The following GPC5 variants were observed in gnomAD, a reference collection of about 807,000 sequenced individuals.
GPC5 encodes glypican-5.
Under a neutral mutation model 53.9 loss-of-function variants are expected in GPC5, and 47 were observed. The ratio of observed to expected loss-of-function variants is 0.87; its 90% CI spans 0.69 to 1.11. The LOEUF is 1.11. Ranked by LOEUF, GPC5 falls within the 50% of genes most tolerant of loss-of-function variation. The probability of loss-of-function intolerance (pLI) is 0.00; values close to 1 mark genes in which losing one functional copy is unlikely to be tolerated. For synonymous variants in GPC5, 286 were observed against 263.3 expected (o/e 1.09, Z -0.84); for missense variants, 748 against 713.1 (o/e 1.05, Z -0.56).
At chr13:92,340,577 T>C (rs1259310703) in intron 7 of GPC5, 3 of 152,280 alleles carry the variant, frequency 2.0e-5, no homozygotes, top group East Asian at 3.9e-4. Context: ...GAAAATAGTC[T>C]TGGATTTTCA....
Position 91,500,496 on chromosome 13 carries a change from G to A in GPC5, c.325+51574G>A, listed in dbSNP as rs770620241. On this transcript the variant is annotated intron_variant, in intron 2 of 7. Coordinates refer to ENST00000377067, the MANE Select transcript of GPC5 (RefSeq NM_004466.6). ...AAATATAGGATGCTCAGTTAAACTT[G>A]AATTTCAGATCAACAGCAAATCATT... Among the ~76,000 whole-genome samples the A allele has an allele frequency of 3.6e-4, 55 of 152,110 alleles. 1 individual carries two copies. Among genetic ancestry groups the A allele is most frequent in the Non-Finnish European group, 1.6e-4 (11 of 68,014 alleles).
chr13:92,417,864 T>C (rs1480192598), intron 7 of GPC5, among the ~76,000 whole-genome samples: 1 of 152,110 alleles, frequency 6.6e-6, no homozygotes, highest in Non-Finnish European at 1.5e-5. Context: ...GCATTCTAGC[T>C]TGGGCGACAG....
At chr13:92,016,274 A>C (rs996308600) in intron 6 of GPC5, among the ~76,000 whole-genome samples, 16 of 152,254 alleles carry the variant, frequency 1.1e-4, no homozygotes, top group Non-Finnish European at 1.9e-4. Flanking sequence ...TATGTCAGAC[A>C]TAATGTTATA....
At chr13:91,558,668 C>G (rs1192150423) in intron 2 of GPC5, among the ~76,000 whole-genome samples, 1 of 152,090 alleles carries the variant, frequency 6.6e-6, no homozygotes, top group Non-Finnish European at 1.5e-5. Flanking sequence ...TAAAGAGTTT[C>G]TTTGGCAATG....
chr13:91,493,247 G>A (rs899087714), intron 2 of GPC5, among the ~76,000 whole-genome samples: 1 of 151,882 alleles, frequency 6.6e-6, no homozygotes, highest in African/African-American at 2.4e-5. Context: ...ATATTTGTTG[G>A]GTACATGAAA....
chr13:92,293,474 T>C (rs1267285751), intron 7 of GPC5, among the ~76,000 whole-genome samples: 2 of 149,936 alleles, frequency 1.3e-5, no homozygotes, highest in Non-Finnish European at 3.0e-5. Context: ...AAGGTTGAGT[T>C]CTTGATTTGA....
chr13:91,702,799 C>T (rs2036021651), intron 3 of GPC5, among the ~76,000 whole-genome samples: 1 of 152,008 alleles, frequency 6.6e-6, no homozygotes, highest in Non-Finnish European at 1.5e-5. Context: ...AGTTCATCCT[C>T]TTCAATTTTT....
chr13:92,354,675 C>A (rs2043507877), intron 7 of GPC5, among the ~76,000 whole-genome samples: 1 of 152,144 alleles, frequency 6.6e-6, no homozygotes, highest in Non-Finnish European at 1.5e-5. Flanking sequence ...AATTGGGAAG[C>A]TACTGTATTC....
intron 2 of GPC5, among the ~76,000 whole-genome samples, chr13:91,469,256 G>A (rs1882451060): frequency 6.6e-6 from 1 of 151,948 alleles, no homozygotes; most frequent in African/African-American, 2.4e-5. Flanking sequence ...TTACAGACAT[G>A]CACCACCATG....
intron 3 of GPC5, among the ~76,000 whole-genome samples, chr13:91,712,078 A>G (rs910917114): frequency 1.3e-5 from 2 of 152,212 alleles, no homozygotes; most frequent in Non-Finnish European, 2.9e-5. Flanking sequence ...ACTAAACATT[A>G]TCTTGACCTC....
intron 6 of GPC5, among the ~76,000 whole-genome samples, chr13:91,910,597 A>C (rs1297726591): frequency 6.6e-6 from 1 of 152,222 alleles, no homozygotes; most frequent in African/African-American, 2.4e-5. Flanking sequence ...AATTGCCTGC[A>C]TACACTCACC....
At chr13:91,819,073 A>G (rs1318923673) in intron 5 of GPC5, among the ~76,000 whole-genome samples, 1 of 151,880 alleles carries the variant, frequency 6.6e-6, no homozygotes, top group Non-Finnish European at 1.5e-5. Context: ...CCAGACTGCA[A>G]ACTCCTGTTT....
intron 7 of GPC5, among the ~76,000 whole-genome samples, chr13:92,182,263 A>C (rs898419189): frequency 6.6e-6 from 1 of 152,188 alleles, no homozygotes; most frequent in African/African-American, 2.4e-5. Context: ...GGCATTGAAA[A>C]ATGTCACCCA....
chr13:92,753,792 A>G (rs940101108), intron 7 of GPC5, among the ~76,000 whole-genome samples: 5 of 152,184 alleles, frequency 3.3e-5, no homozygotes, highest in African/African-American at 1.2e-4. Flanking sequence ...AAAGAATAAA[A>G]AGAAATGAGC....
intron 7 of GPC5, among the ~76,000 whole-genome samples, chr13:92,720,532 T>C (rs2139285930): frequency 6.6e-6 from 1 of 152,248 alleles, no homozygotes; most frequent in South Asian, 2.1e-4. Context: ...ATTAAAGTAA[T>C]GATTTTATAA....
Position 91,571,821 on chromosome 13 carries a change from G to GTA in GPC5, c.326-121359_326-121358dup, listed in dbSNP as rs1254778902. Among the ~76,000 whole-genome samples the GTA allele has an allele frequency of 3.2e-5, 3 of 94,206 alleles. 1 individual carries two copies. The highest frequency in any genetic ancestry group is 2.0e-4 in the Admixed American group (2 of 10,176). 61.8% of individuals were successfully genotyped at this position (94,206 alleles called of 152,430 possible). On this transcript the variant is annotated intron_variant, in intron 2 of 7. Transcript: ENST00000377067. The stretch of plus-strand genomic sequence containing the variant: ...TATATATACACACACATACGTGTGT[G>GTA]TATATATACACATATACTTGTGTGT...
Position 91,571,908 on chromosome 13 carries a change from A to ATATATACACACATATACGTGTGTG in GPC5, c.326-121269_326-121268insCATATACGTGTGTGTATATACACA, listed in dbSNP as rs1566516122. Among the ~76,000 whole-genome samples, 56 of 57,896 alleles carry ATATATACACACATATACGTGTGTG rather than the reference A, an allele frequency of 9.7e-4. 5 individuals carry two copies. Among genetic ancestry groups the ATATATACACACATATACGTGTGTG allele is most frequent in the Admixed American group, 1.7e-3 (10 of 5,920 alleles). The allele number at this position is 57,896 out of a possible 152,430, so 38.0% of individuals were successfully genotyped here. On this transcript the variant is annotated intron_variant, in intron 2 of 7. Coordinates refer to ENST00000377067, the MANE Select transcript of GPC5 (RefSeq NM_004466.6). ...ATACGTGTGTATATACACATATTGT[A>ATATATACACACATATACGTGTGTG]TATATACACATATTGTATATATACA...
chr13:92,076,920 C>G (rs1271320673), intron 6 of GPC5, among the ~76,000 whole-genome samples: 6 of 152,148 alleles, frequency 3.9e-5, no homozygotes, highest in Admixed American at 3.9e-4. Flanking sequence ...TATTTGTTAT[C>G]TATTATCTCT....
chr13:91,794,914 T>G (rs2138757920), intron 5 of GPC5, among the ~76,000 whole-genome samples: 1 of 152,314 alleles, frequency 6.6e-6, no homozygotes, highest in East Asian at 1.9e-4. Context: ...AAAGGTCAGC[T>G]ACTGAATACA....
Sources: allele counts gnomAD v4.1 joint callset (sites outside exome capture counted in the v4.1 genomes callset), GRCh38; gene constraint gnomAD v4.1.1; transcripts MANE v1.5; gene names NCBI Gene and HGNC (gene_info 2026-07-23, HGNC 2026-07-21).